CAMSAP2: variants seen among roughly 807,000 people sequenced by gnomAD.
The protein encoded by CAMSAP2 is calmodulin-regulated spectrin-associated protein 2.
In CAMSAP2, 26 loss-of-function variants were observed where a neutral mutation model predicts 146.1. That is an observed-to-expected ratio of 0.18 (90% confidence interval 0.13 to 0.25). The LOEUF is 0.25. Among genes scored for constraint, CAMSAP2 ranks in the 10% least tolerant of loss-of-function variants. The pLI is 1.00. For missense variants in CAMSAP2, 1,381 were observed against 1,759.3 expected, an observed-to-expected ratio of 0.78 and a Z score of 3.85; for synonymous variants, 499 against 596.6, an observed-to-expected ratio of 0.84 and a Z score of 2.38.
In CAMSAP2 at chr1:200,848,441, A is replaced by T; in HGVS notation, c.1672A>T (p.Thr558Ser). 1.2e-6 allele frequency: 2 copies of T among 1,613,776 alleles called. No individual in the cohort carries two copies. The highest frequency in any genetic ancestry group is 1.7e-6 in the Non-Finnish European group (2 of 1,179,882). Residue 558 changes from threonine (T) to serine (S), a missense_variant, in exon 11 of 17, where the codon ACA becomes TCA. Thr to Ser is a moderately conservative substitution (Grantham distance 58). Transcript: ENST00000358823. ...TCATGATACTGAAAAATCTCCTCAT[A>T]CACCTCAGCCAGACCAAATTGCTAA... Reference protein sequence around the residue: ...IIHDTEKSPHTPQPDQIANGF... With the variant: ...IIHDTEKSPHSPQPDQIANGF...
intron 2 of CAMSAP2, among the ~76,000 whole-genome samples, chr1:200,790,446 ACTTG>A: frequency 6.6e-6 from 1 of 152,242 alleles, no homozygotes; most frequent in East Asian, 1.9e-4. Context: ...GCTCCCTATA[ACTTG>A]ATCCCTTGGA....
intron 3 of CAMSAP2, among the ~76,000 whole-genome samples, chr1:200,808,673 C>G (rs1666244868): frequency 1.3e-5 from 2 of 152,182 alleles, no homozygotes; most frequent in African/African-American, 4.8e-5. Context: ...TCTTGAGAAA[C>G]TATGCAACCT....
intron 1 of CAMSAP2, among the ~76,000 whole-genome samples, chr1:200,755,859 T>C (rs1664633692): frequency 6.6e-6 from 1 of 152,108 alleles, no homozygotes; most frequent in Non-Finnish European, 1.5e-5. Context: ...CTACAATGAG[T>C]GACTGGGTGG....
At chr1:200,806,578 A>G (rs559051818) in intron 2 of CAMSAP2, among the ~76,000 whole-genome samples, 2 of 152,288 alleles carry the variant, frequency 1.3e-5, no homozygotes, top group Non-Finnish European at 2.9e-5. Flanking sequence ...ATCCCTGGAG[A>G]AATACAATGT....
chr1:200,846,485 A>G (rs1354648698), intron 8 of CAMSAP2, among the ~76,000 whole-genome samples: 2 of 152,156 alleles, frequency 1.3e-5, no homozygotes, highest in South Asian at 2.1e-4. Context: ...TCTTTTTATA[A>G]TGCAGATGGA....
At chr1:200,776,409 G>A (rs963080797) in intron 2 of CAMSAP2, among the ~76,000 whole-genome samples, 1 of 152,236 alleles carries the variant, frequency 6.6e-6, no homozygotes, top group African/African-American at 2.4e-5. Context: ...AGAACCAAGT[G>A]TAGTCATAAA....
chr1:200,797,015 G>A (rs1441244085), intron 2 of CAMSAP2, among the ~76,000 whole-genome samples: 1 of 152,140 alleles, frequency 6.6e-6, no homozygotes, highest in Non-Finnish European at 1.5e-5. Context: ...CATTTTTATG[G>A]CTGCATAGTA....
chr1:200,826,569 G>A (rs564147354), intron 4 of CAMSAP2, among the ~76,000 whole-genome samples: 6 of 152,200 alleles, frequency 3.9e-5, no homozygotes, highest in East Asian at 1.9e-4. Flanking sequence ...CTCCTGGAAC[G>A]GCCTGAGAGC....
chr1:200,829,634 A>C (rs1195664276), intron 4 of CAMSAP2, among the ~76,000 whole-genome samples: 1 of 152,122 alleles, frequency 6.6e-6, no homozygotes, highest in Non-Finnish European at 1.5e-5. Context: ...TAATTTAGAA[A>C]TATACCATAA....
intron 6 of CAMSAP2, among the ~76,000 whole-genome samples, chr1:200,835,607 G>T (rs1667166252): frequency 6.6e-6 from 1 of 152,146 alleles, no homozygotes; most frequent in African/African-American, 2.4e-5. Flanking sequence ...CCAGTCTCTT[G>T]TGTCTGACAC....
chr1:200,778,162 G>A (rs559831461), intron 2 of CAMSAP2, among the ~76,000 whole-genome samples: 2 of 152,124 alleles, frequency 1.3e-5, no homozygotes, highest in African/African-American at 4.8e-5. Context: ...AATTGTCATC[G>A]TATTCCCAGT....
chr1:200,779,622 G>A (rs1665377582), intron 2 of CAMSAP2, among the ~76,000 whole-genome samples: 1 of 152,174 alleles, frequency 6.6e-6, no homozygotes, highest in Non-Finnish European at 1.5e-5. Context: ...ACTGTTAGAA[G>A]ACAAATATTC....
At chr1:200,783,025 C>T (rs1332194642) in intron 2 of CAMSAP2, among the ~76,000 whole-genome samples, 1 of 151,686 alleles carries the variant, frequency 6.6e-6, no homozygotes, top group African/African-American at 2.4e-5. Flanking sequence ...CTCGGCCTCC[C>T]AAAGTACTGG....
At chr1:200,778,013 G>A (rs1011005893) in intron 2 of CAMSAP2, among the ~76,000 whole-genome samples, 3 of 152,170 alleles carry the variant, frequency 2.0e-5, no homozygotes, top group African/African-American at 7.2e-5. Context: ...TAAGGCCAGA[G>A]GATCACTTGA....
At chr1:200,792,131 G>A (rs1436741512) in intron 2 of CAMSAP2, among the ~76,000 whole-genome samples, 4 of 150,656 alleles carry the variant, frequency 2.7e-5, no homozygotes, top group African/African-American at 4.9e-5. Context: ...AGTAAGATTA[G>A]TACTTCCATT....
chr1:200,794,590 T>C (rs969730250), intron 2 of CAMSAP2, among the ~76,000 whole-genome samples: 1 of 152,210 alleles, frequency 6.6e-6, no homozygotes, highest in Admixed American at 6.5e-5. Flanking sequence ...TCTTCCATAT[T>C]TGAATCTTAA....
intron 1 of CAMSAP2, among the ~76,000 whole-genome samples, chr1:200,744,004 C>G (rs1233524400): frequency 1.3e-5 from 2 of 152,066 alleles, no homozygotes; most frequent in Non-Finnish European, 2.9e-5. Flanking sequence ...TTATTGAGCT[C>G]CTACACTGTG....
chr1:200,817,665 A>G (rs936910386), intron 4 of CAMSAP2, among the ~76,000 whole-genome samples: 5 of 152,190 alleles, frequency 3.3e-5, no homozygotes, highest in Non-Finnish European at 7.3e-5. Context: ...GAAAGAAGGG[A>G]AAAAGGAAGG....
Position 200,816,878 on chromosome 1 carries a change from A to G in CAMSAP2, c.645+1234A>G, listed in dbSNP as rs1438272462. On this transcript the variant is annotated intron_variant, in intron 4 of 16. Transcript: ENST00000358823. The stretch of plus-strand genomic sequence containing the variant: ...CACGCGTGTGTATGTGTGTACACAC[A>G]CACGCGTGTGTATGTGTGTACACAC... Among the ~76,000 whole-genome samples the G allele has an allele frequency of 6.5e-5, 5 of 76,944 alleles. 2 individuals are homozygous for G. The South Asian group carries it at 1.5e-3, about 22-fold the overall frequency. 50.5% of individuals were successfully genotyped at this position (76,944 alleles called of 152,430 possible). A position where few individuals can be genotyped will look rare whatever the true frequency, so the allele number is the denominator to read the frequency against.
Sources: gnomAD v4.1 joint callset for allele counts (sites outside exome capture counted in the v4.1 genomes callset) on GRCh38, gnomAD v4.1.1 for gene constraint, MANE v1.5 for transcripts, NCBI Gene and HGNC (gene_info 2026-07-23, HGNC 2026-07-21) for gene names.